MAGI2: variants seen among roughly 807,000 people sequenced by gnomAD.
MAGI2 encodes the protein membrane associated guanylate kinase, WW and PDZ domain containing 2.
In MAGI2, 35 loss-of-function variants were observed where a neutral mutation model predicts 133.3. The ratio of observed to expected loss-of-function variants is 0.26; its 90% CI spans 0.20 to 0.35. The LOEUF is 0.35. Ranked by LOEUF, MAGI2 falls within the 10% of genes least tolerant of loss-of-function variation. The pLI, the probability that MAGI2 is intolerant of heterozygous loss-of-function variation, is 1.00. For missense variants in MAGI2, 1,636 were observed against 1,863.4 expected (o/e 0.88, Z 2.25); for synonymous variants, 729 against 710.6 (o/e 1.03, Z -0.41).
rs1003076246 is a variant in MAGI2, at chr7:78,630,486, G to A, written c.419-3247C>T. Reference sequence around the variant, plus strand: ...GCTGAGAATGCAGTGGTGTGATCACGGCTCACTGCAACTTCTGCCTCCAGG... The same window carrying A: ...GCTGAGAATGCAGTGGTGTGATCACAGCTCACTGCAACTTCTGCCTCCAGG... On this transcript the variant is annotated intron_variant, in intron 2 of 21. Coordinates refer to ENST00000354212, the MANE Select transcript of MAGI2 (RefSeq NM_012301.4). Among the ~76,000 whole-genome samples, 12 of 138,398 alleles carry A rather than the reference G, an allele frequency of 8.7e-5. No individual in the cohort carries two copies. In the South Asian group the frequency reaches 9.0e-4, roughly 10 times the overall value. The allele number at this position is 138,398 out of a possible 152,430, so 90.8% of individuals were successfully genotyped here. A position where few individuals can be genotyped will look rare whatever the true frequency, so the allele number is the denominator to read the frequency against.
chr7:78,655,844 G>C (rs189208742), intron 2 of MAGI2, among the ~76,000 whole-genome samples: 2 of 151,772 alleles, frequency 1.3e-5, no homozygotes. Flanking sequence ...AGCCAGGCGC[G>C]GTGGCGGGCG....
chr7:79,204,314 T>C (rs924190266), intron 1 of MAGI2, among the ~76,000 whole-genome samples: 2 of 152,018 alleles, frequency 1.3e-5, no homozygotes, highest in Non-Finnish European at 2.9e-5. Flanking sequence ...TGGATGTTAG[T>C]GGCCCTGGGC....
chr7:79,197,344 C>G (rs925803323), intron 1 of MAGI2, among the ~76,000 whole-genome samples: 3 of 151,936 alleles, frequency 2.0e-5, no homozygotes, highest in Non-Finnish European at 4.4e-5. Flanking sequence ...ACTGTAAAGA[C>G]CATAAGCTTA....
intron 21 of MAGI2, among the ~76,000 whole-genome samples, chr7:78,067,599 G>C (rs73362628): frequency 1.3e-5 from 2 of 152,276 alleles, no homozygotes; most frequent in African/African-American, 4.8e-5. Flanking sequence ...CAGCTATTTA[G>C]TCTGGGCTAA....
chr7:78,621,089 T>C (rs560890130), intron 3 of MAGI2, among the ~76,000 whole-genome samples: 49 of 152,130 alleles, frequency 3.2e-4, no homozygotes, highest in Admixed American at 1.0e-3. Flanking sequence ...CTTAGAGGCC[T>C]GGTTAATTCA....
intron 1 of MAGI2, among the ~76,000 whole-genome samples, chr7:79,050,805 G>A (rs1812608547): frequency 6.6e-6 from 1 of 152,210 alleles, no homozygotes; most frequent in Admixed American, 6.5e-5. Flanking sequence ...TTGTGTGCCT[G>A]ACTCTGAATT....
chr7:78,113,782 A>T (rs575976257), intron 20 of MAGI2, among the ~76,000 whole-genome samples: 2 of 151,424 alleles, frequency 1.3e-5, no homozygotes, highest in East Asian at 3.9e-4. Flanking sequence ...TATTTTAATA[A>T]ATAACAGTAC....
At chr7:79,185,741 CA>C (rs762134918) in intron 1 of MAGI2, among the ~76,000 whole-genome samples, 1 of 151,674 alleles carries the variant, frequency 6.6e-6, no homozygotes, top group Non-Finnish European at 1.5e-5. Flanking sequence ...CAAGGACAGG[CA>C]TTTCAAAGAT....
chr7:78,109,113 G>A (rs536428071), intron 20 of MAGI2, among the ~76,000 whole-genome samples: 1 of 151,116 alleles, frequency 6.6e-6, no homozygotes, highest in East Asian at 2.0e-4. Flanking sequence ...GACCATCCTG[G>A]CTAACACAGC....
At position 78,626,860 on chromosome 7, in the gene MAGI2, GTA is replaced by G. The variant is rs1554503688; in HGVS notation, c.538+258_538+259del. On this transcript the variant is annotated intron_variant, in intron 3 of 21. Transcript: ENST00000354212. Reference sequence around the variant, plus strand: ...TGTGTGTGTGTGTGTGTGTGTGTGTGTATAAAATAGGTATATATATAATAGGT... The same window carrying G: ...TGTGTGTGTGTGTGTGTGTGTGTGTGTAAAATAGGTATATATATAATAGGT... 4.5e-5 allele frequency among the ~76,000 whole-genome samples: 6 copies of G among 134,188 alleles called. No individual in the cohort carries two copies. In the South Asian group the frequency reaches 1.2e-3, roughly 26 times the overall value. 88.0% of individuals were successfully genotyped at this position (134,188 alleles called of 152,430 possible).
chr7:79,281,159 C>T (rs1000000520), intron 1 of MAGI2, among the ~76,000 whole-genome samples: 2 of 151,914 alleles, frequency 1.3e-5, no homozygotes, highest in Non-Finnish European at 2.9e-5. Context: ...AAGAGTTAGG[C>T]ATAGATAATG....
chr7:78,750,016 A>G lies in MAGI2; in HGVS notation c.419-122777T>C, dbSNP rs11976340. 7.9e-3 allele frequency among the ~76,000 whole-genome samples: 1,201 copies of G among 152,088 alleles called. 9 individuals are homozygous for G. Among genetic ancestry groups the G allele is most frequent in the African/African-American group, 0.027 (1,137 of 41,454 alleles). The stretch of plus-strand genomic sequence containing the variant: ...GTCATCTACATTAGGTATTTCTCCT[A>G]ATGCTATCCCTCCTCTAGCCCCCAA... On this transcript the variant is annotated intron_variant, in intron 2 of 21. Coordinates refer to ENST00000354212, the MANE Select transcript of MAGI2 (RefSeq NM_012301.4).
At chr7:79,223,787 A>C (rs1830635756) in intron 1 of MAGI2, among the ~76,000 whole-genome samples, 2 of 151,856 alleles carry the variant, frequency 1.3e-5, no homozygotes, top group African/African-American at 4.9e-5. Context: ...TGACCCTAAA[A>C]CCTCTATTCT....
intron 1 of MAGI2, among the ~76,000 whole-genome samples, chr7:79,302,319 A>C (rs1049804960): frequency 6.6e-6 from 1 of 152,236 alleles, no homozygotes; most frequent in Non-Finnish European, 1.5e-5. Context: ...GACAAAGTTC[A>C]TATTACATTT....
chr7:78,513,635 G>C (rs998606675), intron 4 of MAGI2, among the ~76,000 whole-genome samples: 1 of 152,188 alleles, frequency 6.6e-6, no homozygotes, highest in Non-Finnish European at 1.5e-5. Context: ...TGGGCTTTCT[G>C]TAACTGCTGG....
intron 1 of MAGI2, among the ~76,000 whole-genome samples, chr7:79,314,357 C>G (rs10270882): frequency 0.016 from 2,450 of 152,270 alleles, 55 homozygotes; most frequent in African/African-American, 0.057. Context: ...GATCCACCTG[C>G]CTTGGCCTCC....
chr7:78,513,535 C>T (rs140002179), intron 4 of MAGI2, among the ~76,000 whole-genome samples: 5 of 152,220 alleles, frequency 3.3e-5, no homozygotes, highest in Non-Finnish European at 5.9e-5. Flanking sequence ...ATCAGACCTA[C>T]AGAGAATATA....
intron 16 of MAGI2, among the ~76,000 whole-genome samples, chr7:78,152,432 A>T (rs1823973492): frequency 6.6e-6 from 1 of 152,190 alleles, no homozygotes; most frequent in Non-Finnish European, 1.5e-5. Context: ...CAGGAGTGTT[A>T]TGGTCAAGGA....
intron 2 of MAGI2, among the ~76,000 whole-genome samples, chr7:78,677,650 T>C (rs1815190039): frequency 6.6e-6 from 1 of 152,148 alleles, no homozygotes; most frequent in Non-Finnish European, 1.5e-5. Flanking sequence ...TCTTCTGAGT[T>C]AAGAAGTCTT....
Sources: allele counts gnomAD v4.1 joint callset (sites outside exome capture counted in the v4.1 genomes callset), GRCh38; gene constraint gnomAD v4.1.1; transcripts MANE v1.5; gene names NCBI Gene and HGNC (gene_info 2026-07-23, HGNC 2026-07-21).